Variants in SRD5A2 observed in about 807,000 individuals in gnomAD.
SRD5A2 encodes the protein 3-oxo-5-alpha-steroid 4-dehydrogenase 2.
A neutral mutation model predicts 27.4 loss-of-function variants in SRD5A2; 30 were observed. That is an observed-to-expected ratio of 1.10 (90% confidence interval 0.82 to 1.49). The LOEUF (loss-of-function observed/expected upper bound fraction) is 1.49. Among genes scored for constraint, SRD5A2 ranks in the 40% most tolerant of loss-of-function variants. The pLI is 0.00. For synonymous variants in SRD5A2, 141 were observed against 133.6 expected (o/e 1.06, Z -0.38); for missense variants, 348 against 323.4 (o/e 1.08, Z -0.58).
At chr2:31,529,277 G>A (rs751555995) in intron 4 of SRD5A2, 30 bp downstream of exon 4, 1 of 1,612,986 alleles carries the variant, frequency 6.2e-7, no homozygotes, top group East Asian at 2.2e-5. Context: ...AAAGCTACGT[G>A]AATGCTGCCG....
At chr2:31,531,099 A>C (rs1339265971) in intron 3 of SRD5A2, among the ~76,000 whole-genome samples, 2 of 152,120 alleles carry the variant, frequency 1.3e-5, no homozygotes, top group African/African-American at 2.4e-5. Flanking sequence ...GCCGATTCCA[A>C]CCCTACTCAA....
At chr2:31,589,055 G>C in the SRD5A2 span, among the ~76,000 whole-genome samples, 1 of 152,194 alleles carries the variant, frequency 6.6e-6, no homozygotes, top group African/African-American at 2.4e-5. Flanking sequence ...AGTTCCCAAA[G>C]TGTGAGCAGG....
the SRD5A2 span, among the ~76,000 whole-genome samples, chr2:31,613,808 A>T: frequency 6.6e-6 from 1 of 152,084 alleles, no homozygotes; most frequent in Non-Finnish European, 1.5e-5. Flanking sequence ...GCAAAGGGGA[A>T]GCAAGACATG....
At chr2:31,617,867 T>C in the SRD5A2 span, among the ~76,000 whole-genome samples, 1 of 152,186 alleles carries the variant, frequency 6.6e-6, no homozygotes, top group Non-Finnish European at 1.5e-5. Flanking sequence ...CTGTCTTCTT[T>C]TGAGCCCTCC....
At chr2:31,660,000 G>T in the SRD5A2 span, among the ~76,000 whole-genome samples, 1,030 of 150,612 alleles carry the variant, frequency 6.8e-3, 6 homozygotes, top group African/African-American at 0.024. Context: ...TTCTCCAATG[G>T]TTTTTTGTTT....
At chr2:31,578,863 T>C (rs1348011692) in intron 1 of SRD5A2, among the ~76,000 whole-genome samples, 2 of 152,222 alleles carry the variant, frequency 1.3e-5, no homozygotes, top group African/African-American at 2.4e-5. Flanking sequence ...AAAGATTACA[T>C]TAATATGATT....
At chr2:31,624,676 AG>A in the SRD5A2 span, among the ~76,000 whole-genome samples, 16 of 152,150 alleles carry the variant, frequency 1.1e-4, no homozygotes, top group Non-Finnish European at 1.8e-4. Flanking sequence ...GTCCCTACAA[AG>A]GACATGAGCT....
the SRD5A2 span, among the ~76,000 whole-genome samples, chr2:31,657,695 C>G: frequency 6.6e-6 from 1 of 152,148 alleles, no homozygotes; most frequent in African/African-American, 2.4e-5. Flanking sequence ...TAAATTCTTA[C>G]TTTACCATTA....
chr2:31,636,216 CAG>C, the SRD5A2 span, among the ~76,000 whole-genome samples: 5 of 152,024 alleles, frequency 3.3e-5, no homozygotes, highest in South Asian at 8.3e-4. Context: ...TTTCTTTCAT[CAG>C]AGTTTTACAG....
chr2:31,648,739 A>C, the SRD5A2 span, among the ~76,000 whole-genome samples: 2 of 152,198 alleles, frequency 1.3e-5, no homozygotes, highest in Non-Finnish European at 2.9e-5. Flanking sequence ...CTTGAACCTA[A>C]ACATCATTAC....
At chr2:31,631,214 G>T in the SRD5A2 span, among the ~76,000 whole-genome samples, 1 of 152,120 alleles carries the variant, frequency 6.6e-6, no homozygotes, top group African/African-American at 2.4e-5. Context: ...ACTCATCTCT[G>T]AGCACAAAGG....
At chr2:31,623,441 C>G in the SRD5A2 span, among the ~76,000 whole-genome samples, 1 of 152,096 alleles carries the variant, frequency 6.6e-6, no homozygotes, top group East Asian at 1.9e-4. Flanking sequence ...ACCTCAATTA[C>G]GTTTCCACCA....
chr2:31,652,812 G>A, the SRD5A2 span, among the ~76,000 whole-genome samples: 1 of 152,154 alleles, frequency 6.6e-6, no homozygotes, highest in African/African-American at 2.4e-5. Context: ...ATTAAAGAAA[G>A]CTATGTGTTT....
At position 31,580,726 on chromosome 2, in the gene SRD5A2, G is replaced by GC. The variant is rs1421840845; in HGVS notation, c.174dup (p.Pro59AlafsTer77). 6.2e-7 allele frequency: 1 copy of GC among 1,607,954 alleles called. No individual in the cohort carries two copies. The highest frequency in any genetic ancestry group is 8.5e-7 in the Non-Finnish European group (1 of 1,179,430). On this transcript the variant is annotated frameshift_variant, in exon 1 of 5. Transcript: ENST00000622030. LOFTEE classifies it high-confidence loss of function. ...ATCCCCGCGGGCACCGCGAAGGAAG[G>GC]CAGCTCCTGCAGGAACCAGGCGGCG...
chr2:31,567,452 G>GTA (rs753337903), intron 1 of SRD5A2, among the ~76,000 whole-genome samples: 2 of 74,730 alleles, frequency 2.7e-5, no homozygotes. Flanking sequence ...GTGTGTGTGT[G>GTA]TGTGTATATA....
the SRD5A2 span, among the ~76,000 whole-genome samples, chr2:31,642,104 T>A: frequency 6.6e-6 from 1 of 152,060 alleles, no homozygotes; most frequent in Admixed American, 6.5e-5. Context: ...ACAAATGTGA[T>A]CAACTGAGAC....
At chr2:31,553,831 G>T (rs1666431406) in intron 1 of SRD5A2, among the ~76,000 whole-genome samples, 2 of 152,116 alleles carry the variant, frequency 1.3e-5, no homozygotes, top group Non-Finnish European at 2.9e-5. Flanking sequence ...GATTTCAATG[G>T]TCTAATATAA....
chr2:31,632,031 T>C, the SRD5A2 span, among the ~76,000 whole-genome samples: 3 of 152,076 alleles, frequency 2.0e-5, no homozygotes, highest in Non-Finnish European at 2.9e-5. Flanking sequence ...TGAGGAAGTA[T>C]ACCTCTCTCT....
chr2:31,526,420 C>T (rs1665782935), intron 4 of SRD5A2, among the ~76,000 whole-genome samples, 158 bp from the exon 5 acceptor site: 1 of 152,164 alleles, frequency 6.6e-6, no homozygotes, highest in Admixed American at 6.5e-5. Flanking sequence ...TTCCCACAGC[C>T]TATTTCTTGT....
Sources: gnomAD v4.1 joint callset for allele counts (sites outside exome capture counted in the v4.1 genomes callset) on GRCh38, gnomAD v4.1.1 for gene constraint, MANE v1.5 for transcripts, NCBI Gene and HGNC (gene_info 2026-07-23, HGNC 2026-07-21) for gene names.